The following VPS13C variants were observed in gnomAD, a reference collection of about 807,000 sequenced individuals.
VPS13C encodes the protein vacuolar protein sorting 13 homolog C, also known as intermembrane lipid transfer protein VPS13C.
VPS13C carries 358 observed loss-of-function variants against 456.8 expected under a neutral mutation model. The ratio of observed to expected loss-of-function variants is 0.78; its 90% CI spans 0.72 to 0.86. VPS13C has a LOEUF of 0.86. Among genes scored for constraint, VPS13C ranks in the 40% least tolerant of loss-of-function variants. The pLI, the probability that VPS13C is intolerant of heterozygous loss-of-function variation, is 0.00. For missense variants in VPS13C, 4,818 were observed against 4,385.4 expected (o/e 1.10, Z -2.79); for synonymous variants, 1,578 against 1,486.7 (o/e 1.06, Z -1.41).
chr15:61,938,285 G>A (rs545772863), intron 47 of VPS13C, among the ~76,000 whole-genome samples: 1 of 151,776 alleles, frequency 6.6e-6, no homozygotes, highest in Non-Finnish European at 1.5e-5. Context: ...GGGGGAACAA[G>A]TATGAAGGAC....
intron 1 of VPS13C, among the ~76,000 whole-genome samples, chr15:62,054,209 A>C (rs1056556397): frequency 6.6e-6 from 1 of 152,154 alleles, no homozygotes; most frequent in African/African-American, 2.4e-5. Flanking sequence ...AAATTTATCT[A>C]TTGGTACCAG....
At chr15:62,000,195 CT>C (rs1341276682) in intron 16 of VPS13C, among the ~76,000 whole-genome samples, 4 of 151,988 alleles carry the variant, frequency 2.6e-5, no homozygotes, top group Non-Finnish European at 5.9e-5. Context: ...CAACCCATCT[CT>C]ACTAAAACTA....
intron 15 of VPS13C, among the ~76,000 whole-genome samples, chr15:62,005,925 AATTCCAG>A (rs1353412539): frequency 3.3e-5 from 5 of 151,546 alleles, no homozygotes; most frequent in Non-Finnish European, 7.4e-5. Flanking sequence ...GCTGGTCTCC[AATTCCAG>A]ACCTCAGGTG....
chr15:61,914,909 A>AAAAAAC (rs2043419514), intron 61 of VPS13C, among the ~76,000 whole-genome samples: 2 of 140,654 alleles, frequency 1.4e-5, no homozygotes, highest in East Asian at 4.4e-4. Flanking sequence ...AAAAAAAAAA[A>AAAAAAC]CCTTTAGGTG....
At chr15:62,009,043 T>C (rs1314568109) in intron 13 of VPS13C, among the ~76,000 whole-genome samples, 3 of 152,142 alleles carry the variant, frequency 2.0e-5, no homozygotes, top group Non-Finnish European at 4.4e-5. Context: ...CACCAATATA[T>C]ATACACATCC....
chr15:61,937,022 C>A (rs542919745), intron 47 of VPS13C, among the ~76,000 whole-genome samples: 1 of 152,258 alleles, frequency 6.6e-6, no homozygotes, highest in South Asian at 2.1e-4. Context: ...GTTCCTGGAC[C>A]CGTGCCTATC....
chr15:62,041,771 G>C (rs1269163656), intron 2 of VPS13C, among the ~76,000 whole-genome samples: 1 of 151,886 alleles, frequency 6.6e-6, no homozygotes, highest in African/African-American at 2.4e-5. Context: ...AGTGAGTCGG[G>C]ATCGCGCCAC....
At chr15:61,869,116 C>CTT (rs68084709) in intron 80 of VPS13C, among the ~76,000 whole-genome samples, 1,500 of 131,198 alleles carry the variant, frequency 0.011, 34 homozygotes, top group East Asian at 0.064. Context: ...TTTCTTTTTT[C>CTT]TTTTTTTTTT....
rs1436064635 is a variant in VPS13C, at chr15:61,972,665, T to C, written c.2717A>G (p.Glu906Gly). 1.9e-6 allele frequency: 3 copies of C among 1,613,422 alleles called. No homozygotes were observed. The highest frequency in any genetic ancestry group is 2.5e-6 in the Non-Finnish European group (3 of 1,179,726). Reference protein sequence around the residue: ...ELKKAAEVPNEELINLLLKFE... With the variant: ...ELKKAAEVPNGELINLLLKFE... ...CTTGAGTAGAAGATTGATGAGCTCC[T>C]CATTTGGGACCTCTGCAGCTTTTTT... Residue 906 changes from glutamate to glycine, a missense_variant, in exon 27 of 85, where the codon GAG (glutamate) becomes GGG (glycine). Physicochemically the swap from Glu to Gly is moderately conservative, Grantham distance 98. Around this residue, in one of 3 missense-constraint regions of VPS13C, gnomAD observed 4,552 missense variants for 4,130.6 expected, o/e 1.10. Coordinates refer to ENST00000644861, the MANE Select transcript of VPS13C (RefSeq NM_020821.3).
chr15:62,000,271 A>C (rs547454230), intron 16 of VPS13C, among the ~76,000 whole-genome samples: 1 of 152,278 alleles, frequency 6.6e-6, no homozygotes, highest in South Asian at 2.1e-4. Context: ...AGGCTGAGGT[A>C]GGAGAATCAC....
intron 14 of VPS13C, 99 bp from the exon 15 acceptor site, chr15:62,007,578 G>A: frequency 1.8e-6 from 2 of 1,090,554 alleles, no homozygotes; most frequent in Non-Finnish European, 2.4e-6. Flanking sequence ...CAAATTTTTT[G>A]TTCTTCTTAA....
intron 66 of VPS13C, among the ~76,000 whole-genome samples, chr15:61,903,498 T>C (rs2043065943): frequency 6.6e-6 from 1 of 151,510 alleles, no homozygotes; most frequent in South Asian, 2.1e-4. Context: ...ATGAAAAAAA[T>C]GAAATAGGAC....
In VPS13C at chr15:61,915,812, G is replaced by A; in HGVS notation, c.8266C>T (p.His2756Tyr). The change falls in exon 61 of 85, where the codon CAC becomes TAC. Residue 2756 changes from histidine (H) to tyrosine (Y), a missense_variant. This residue lies in a region of VPS13C where 4,552 missense variants were observed against 4,130.6 expected (regional missense o/e 1.10). Transcript: ENST00000644861. ...TEVTTVDLSV[H>Y]VRRIGSRMVL... ...ATCCGGCTGCCAATTCTCCTGACGT[G>A]GACTGACAGGTCGACTGTCGTCACT... 6.2e-7 allele frequency: 1 copy of A among 1,613,872 alleles called. No homozygotes were observed. The highest frequency in any genetic ancestry group is 8.5e-7 in the Non-Finnish European group (1 of 1,179,994).
intron 66 of VPS13C, among the ~76,000 whole-genome samples, chr15:61,895,143 A>G (rs2042768828): frequency 6.6e-6 from 1 of 152,158 alleles, no homozygotes; most frequent in Non-Finnish European, 1.5e-5. Context: ...AGAAGGAAAT[A>G]AAAAATTTTC....
chr15:61,943,497 A>C (rs892025457), intron 45 of VPS13C, among the ~76,000 whole-genome samples: 1 of 152,178 alleles, frequency 6.6e-6, no homozygotes, highest in Admixed American at 6.5e-5. Context: ...TGACAAAGTC[A>C]ACAAAAAATA....
At position 61,927,071 on chromosome 15, in the gene VPS13C, G is replaced by C. The variant is rs2043874020; in HGVS notation, c.6516+20C>G. The stretch of plus-strand genomic sequence containing the variant: ...TCTGCCATTCTTCAACCCAAGATTA[G>C]GACACAAGGTAATTCTTACTGTGGT... On this transcript the variant is annotated intron_variant, in intron 52 of 84. Transcript: ENST00000644861. 6.2e-7 allele frequency: 1 copy of C among 1,603,906 alleles called. No homozygotes were observed. Among genetic ancestry groups the C allele is most frequent in the Admixed American group, 1.7e-5 (1 of 59,736 alleles).
In VPS13C at chr15:61,919,371, T is replaced by G. The variant is rs765726489; in HGVS notation, c.7556A>C (p.Asn2519Thr). 6.2e-7 allele frequency: 1 copy of G among 1,604,958 alleles called. No individual in the cohort carries two copies. The change falls in exon 58 of 85, where the codon AAT becomes ACT. Residue 2519 changes from asparagine (N) to threonine (T), a missense_variant. By Grantham distance (65) the Asn-to-Thr change is moderately conservative. Transcript: ENST00000644861. ...CAAGACAGAGTCAGAATGACTGGCA[T>G]TGGGATTCCGTACATTATACAATCG... ...GRRLYNVRNP[N>T]ASHSDSVLVQ...
At chr15:61,871,382 G>A (rs868474702) in intron 79 of VPS13C, among the ~76,000 whole-genome samples, 2 of 152,152 alleles carry the variant, frequency 1.3e-5, no homozygotes, top group South Asian at 4.1e-4. Context: ...TGACATCCTT[G>A]TCGAAGATCA....
In VPS13C at chr15:61,884,157, C is replaced by A; in HGVS notation, c.9454G>T (p.Gly3152Cys). Residue 3152 changes from glycine (G) to cysteine (C), a missense_variant, in exon 68 of 85, where the codon GGC becomes TGC. Around this residue, in one of 3 missense-constraint regions of VPS13C, gnomAD observed 4,552 missense variants for 4,130.6 expected, o/e 1.10. Transcript: ENST00000644861. ...YQKHQISRDH[G>C]WIKLDNNFEV... ...AAATTATTATCTAGCTTAATCCAGCCATGGTCTCTTGATATTTGATGTTTC... is the reference window on the plus strand; with the variant it reads ...AAATTATTATCTAGCTTAATCCAGCAATGGTCTCTTGATATTTGATGTTTC... 1 of 1,600,468 alleles carries A rather than the reference C, an allele frequency of 6.2e-7. No homozygotes were observed.
Sources: gnomAD v4.1 joint callset for allele counts (sites outside exome capture counted in the v4.1 genomes callset) on GRCh38, gnomAD v4.1.1 for gene constraint, gnomAD v4.1.1 regional missense constraint, MANE v1.5 for transcripts, NCBI Gene and HGNC (gene_info 2026-07-23, HGNC 2026-07-21) for gene names.